The following LRP1B variants were observed in gnomAD, a reference collection of about 807,000 sequenced individuals.
The protein encoded by LRP1B is LDL receptor related protein 1B.
Under a neutral mutation model 556.6 loss-of-function variants are expected in LRP1B, and 217 were observed. That is an observed-to-expected ratio of 0.39 (90% confidence interval 0.35 to 0.44). The LOEUF (loss-of-function observed/expected upper bound fraction) is 0.44. LRP1B is among the 20% of genes least tolerant of loss of function. LRP1B has a pLI of 1.00. For missense variants in LRP1B, 5,053 were observed against 5,620.8 expected, an observed-to-expected ratio of 0.90 and a Z score of 3.23; for synonymous variants, 2,047 against 1,865.8, an observed-to-expected ratio of 1.10 and a Z score of -2.50.
rs142737978 is a variant in LRP1B at position 141,815,193 on chromosome 2, G to A, written c.83-4792C>T. Among the ~76,000 whole-genome samples the A allele has an allele frequency of 2.0e-5, 3 of 152,274 alleles. No individual in the cohort carries two copies. The East Asian group carries it at 5.8e-4, about 29-fold the overall frequency. On this transcript the variant is annotated intron_variant, in intron 1 of 90. Coordinates refer to ENST00000389484, the MANE Select transcript of LRP1B (RefSeq NM_018557.3). ...AACTGAAACAATAGTAGAAACACTT[G>A]CCCTGAAGAAAAAGGATGGAAAAAT...
chr2:140,801,333 G>C (rs1331261870), intron 32 of LRP1B, among the ~76,000 whole-genome samples: 1 of 152,094 alleles, frequency 6.6e-6, no homozygotes, highest in Non-Finnish European at 1.5e-5. Context: ...TCACCCATTA[G>C]GGCAGCTAAT....
At chr2:141,284,553 G>T (rs140209002) in intron 3 of LRP1B, among the ~76,000 whole-genome samples, 273 of 152,230 alleles carry the variant, frequency 1.8e-3, no homozygotes, top group African/African-American at 6.1e-3. Context: ...AAATTCCCAC[G>T]CACAAAGCGT....
intron 41 of LRP1B, among the ~76,000 whole-genome samples, chr2:140,609,573 A>G (rs899444592): frequency 1.3e-5 from 2 of 152,224 alleles, no homozygotes; most frequent in Non-Finnish European, 2.9e-5. Flanking sequence ...ATCCATATAA[A>G]TTAGTTCTCC....
intron 84 of LRP1B, among the ~76,000 whole-genome samples, chr2:140,291,983 C>CT (rs1421008503): frequency 2.6e-5 from 4 of 152,222 alleles, no homozygotes; most frequent in African/African-American, 9.6e-5. Context: ...TGTTTCCTGA[C>CT]TTTTTAATGA....
chr2:140,898,677 A>G, intron 23 of LRP1B: 1 of 460,562 alleles, frequency 2.2e-6, no homozygotes, highest in East Asian at 6.3e-5. Flanking sequence ...TCCTAAAAAA[A>G]TTCTAGAGAT....
chr2:141,826,751 T>C (rs1339970373), intron 1 of LRP1B, among the ~76,000 whole-genome samples: 1 of 152,208 alleles, frequency 6.6e-6, no homozygotes, highest in Non-Finnish European at 1.5e-5. Flanking sequence ...AAAAATAAAT[T>C]ACTAATTGAG....
At chr2:141,909,342 A>C (rs1344000894) in intron 1 of LRP1B, among the ~76,000 whole-genome samples, 1 of 152,038 alleles carries the variant, frequency 6.6e-6, no homozygotes, top group East Asian at 1.9e-4. Context: ...GAGACCTAGA[A>C]AAAATAATGA....
chr2:140,449,283 G>T (rs1686790720), intron 63 of LRP1B, among the ~76,000 whole-genome samples: 1 of 151,974 alleles, frequency 6.6e-6, no homozygotes. Context: ...TGTTATCATA[G>T]AAAATTTACT....
At chr2:140,652,093 TG>T (rs1224532572) in intron 41 of LRP1B, among the ~76,000 whole-genome samples, 2 of 151,726 alleles carry the variant, frequency 1.3e-5, no homozygotes, top group African/African-American at 4.8e-5. Context: ...AAAGGAAAAA[TG>T]TTTTTAAAAA....
intron 2 of LRP1B, among the ~76,000 whole-genome samples, chr2:141,555,811 AAG>A (rs1685941956): frequency 6.6e-6 from 1 of 151,910 alleles, no homozygotes; most frequent in Non-Finnish European, 1.5e-5. Flanking sequence ...TACAGATTAA[AAG>A]AGTCTTTGAA....
chr2:141,178,744 A>G (rs1347950828), intron 7 of LRP1B, among the ~76,000 whole-genome samples: 1 of 152,068 alleles, frequency 6.6e-6, no homozygotes, highest in Admixed American at 6.6e-5. Flanking sequence ...CAGTTATGTC[A>G]ATATATCTTC....
intron 2 of LRP1B, among the ~76,000 whole-genome samples, chr2:141,571,142 G>C (rs780218575): frequency 1.5e-4 from 22 of 149,318 alleles, no homozygotes; most frequent in African/African-American, 5.2e-4. Flanking sequence ...CCCTATACAG[G>C]AGTGATCCTA....
intron 16 of LRP1B, among the ~76,000 whole-genome samples, chr2:140,991,006 A>T (rs1457214125): frequency 6.6e-6 from 1 of 152,120 alleles, no homozygotes; most frequent in Admixed American, 6.6e-5. Context: ...TGGTTTTATC[A>T]CTTTTTAGAA....
At chr2:140,370,045 T>C (rs563277571) in intron 71 of LRP1B, among the ~76,000 whole-genome samples, 69 of 152,190 alleles carry the variant, frequency 4.5e-4, no homozygotes, top group Admixed American at 1.1e-3. Context: ...CAGCACACAA[T>C]TGCTTTGCGA....
intron 3 of LRP1B, among the ~76,000 whole-genome samples, chr2:141,377,181 T>A (rs927096648): frequency 3.9e-5 from 6 of 152,170 alleles, no homozygotes; most frequent in African/African-American, 1.4e-4. Flanking sequence ...CTATATCTTC[T>A]TCATGTTTCA....
intron 35 of LRP1B, among the ~76,000 whole-genome samples, chr2:140,754,172 T>C (rs986230678): frequency 3.3e-5 from 5 of 152,188 alleles, no homozygotes; most frequent in Non-Finnish European, 7.3e-5. Context: ...CTAAGTCTAC[T>C]ATCAAAAACA....
At chr2:140,267,584 G>A (rs1462667806) in intron 86 of LRP1B, among the ~76,000 whole-genome samples, 1 of 151,912 alleles carries the variant, frequency 6.6e-6, no homozygotes, top group Non-Finnish European at 1.5e-5. Flanking sequence ...TCCGTGCTGA[G>A]CCTGTACAAA....
intron 66 of LRP1B, among the ~76,000 whole-genome samples, chr2:140,409,376 A>T (rs1684877678): frequency 1.3e-5 from 2 of 152,028 alleles, no homozygotes; most frequent in Admixed American, 1.3e-4. Context: ...AATGCATCTA[A>T]CGACAAGATA....
At chr2:141,510,234 A>ACACACACAC (rs767916859) in intron 2 of LRP1B, among the ~76,000 whole-genome samples, 1 of 145,282 alleles carries the variant, frequency 6.9e-6, no homozygotes, top group African/African-American at 2.5e-5. Flanking sequence ...ACACACACAC[A>ACACACACAC]CCCCCCACAG....
Sources: gnomAD v4.1 joint callset for allele counts (sites outside exome capture counted in the v4.1 genomes callset) on GRCh38, gnomAD v4.1.1 for gene constraint, MANE v1.5 for transcripts, NCBI Gene and HGNC (gene_info 2026-07-23, HGNC 2026-07-21) for gene names.